The following EPHA3 variants were observed in gnomAD, a reference collection of about 807,000 sequenced individuals.
EPHA3 encodes ephrin type-A receptor 3.
A neutral mutation model predicts 107.1 loss-of-function variants in EPHA3; 42 were observed. The observed-to-expected ratio is 0.39, with a 90% CI of 0.31 to 0.51. The LOEUF is 0.51. Among genes scored for constraint, EPHA3 ranks in the 20% least tolerant of loss-of-function variants. EPHA3 has a pLI of 0.78. For missense variants in EPHA3, 1,183 were observed against 1,211.2 expected (o/e 0.98, Z 0.35); for synonymous variants, 461 against 424.8 (o/e 1.09, Z -1.05).
intron 10 of EPHA3, among the ~76,000 whole-genome samples, chr3:89,418,848 C>G (rs536441480): frequency 2.6e-5 from 4 of 151,394 alleles, no homozygotes; most frequent in African/African-American, 9.7e-5. Context: ...ACTGTTGGTG[C>G]TGTCCTGTTA....
At chr3:89,311,772 C>T (rs1706771784) in intron 3 of EPHA3, among the ~76,000 whole-genome samples, 1 of 152,058 alleles carries the variant, frequency 6.6e-6, no homozygotes, top group African/African-American at 2.4e-5. Context: ...TTCCAAGGGA[C>T]TCTTTGACCT....
chr3:89,203,511 A>C lies in EPHA3; in HGVS notation c.154-6349A>C, dbSNP rs1410727403. On this transcript the variant is annotated intron_variant, in intron 2 of 16. Coordinates refer to ENST00000336596, the MANE Select transcript of EPHA3 (RefSeq NM_005233.6). ...AGCTCCGGCTGGGCGCGGTGGCTCA[A>C]GCCTGTAAACCTAGCACTTTGGGAG... Among the ~76,000 whole-genome samples the C allele has an allele frequency of 9.2e-5, 14 of 151,918 alleles. No individual in the cohort carries two copies. In the East Asian group the frequency reaches 1.4e-3, roughly 15 times the overall value.
At chr3:89,413,411 T>A in intron 10 of EPHA3, 145 bp downstream of exon 10, 1 of 1,033,728 alleles carries the variant, frequency 9.7e-7, no homozygotes. Context: ...CAATATTTAA[T>A]GGAATGTAAT....
chr3:89,285,923 G>C (rs189382360), intron 3 of EPHA3, among the ~76,000 whole-genome samples: 1 of 152,028 alleles, frequency 6.6e-6, no homozygotes, highest in Non-Finnish European at 1.5e-5. Context: ...AGGAAGAAGC[G>C]TTGGTCAACT....
intron 13 of EPHA3, among the ~76,000 whole-genome samples, chr3:89,436,507 G>A (rs912927436): frequency 4.6e-5 from 7 of 152,312 alleles, no homozygotes; most frequent in Non-Finnish European, 7.4e-5. Flanking sequence ...TAGGTAGAGC[G>A]TAGTTGCACT....
intron 2 of EPHA3, among the ~76,000 whole-genome samples, chr3:89,168,667 C>T (rs1250614503): frequency 6.6e-6 from 1 of 151,866 alleles, no homozygotes; most frequent in East Asian, 1.9e-4. Context: ...AAACACAATG[C>T]TTCTTGAAAT....
At chr3:89,355,118 A>AC (rs1032872620) in intron 5 of EPHA3, among the ~76,000 whole-genome samples, 1 of 148,344 alleles carries the variant, frequency 6.7e-6, no homozygotes, top group African/African-American at 2.6e-5. Flanking sequence ...TAACAAATTG[A>AC]CAAAAAAAAA....
intron 9 of EPHA3, among the ~76,000 whole-genome samples, chr3:89,410,536 C>A (rs1221026404): frequency 6.6e-6 from 1 of 151,924 alleles, no homozygotes; most frequent in Admixed American, 6.6e-5. Context: ...AAAACAGTTC[C>A]ATTTTACCTT....
intron 5 of EPHA3, among the ~76,000 whole-genome samples, chr3:89,374,433 C>A (rs1349922301): frequency 6.6e-6 from 1 of 151,874 alleles, no homozygotes; most frequent in Non-Finnish European, 1.5e-5. Flanking sequence ...CACCATCTCT[C>A]CACAGTCCTC....
chr3:89,396,316 A>G (rs1708851181), intron 6 of EPHA3, among the ~76,000 whole-genome samples: 1 of 152,138 alleles, frequency 6.6e-6, no homozygotes. Flanking sequence ...TCATTGCCTC[A>G]AGCATCATTT....
intron 2 of EPHA3, among the ~76,000 whole-genome samples, chr3:89,135,106 T>C (rs1400191397): frequency 6.6e-6 from 1 of 152,192 alleles, no homozygotes; most frequent in Non-Finnish European, 1.5e-5. Flanking sequence ...TTATTTATAA[T>C]TTTTAGTGAT....
chr3:89,429,607 T>C (rs1300262574), intron 12 of EPHA3, among the ~76,000 whole-genome samples: 2 of 152,144 alleles, frequency 1.3e-5, no homozygotes, highest in African/African-American at 4.8e-5. Flanking sequence ...AATGCTAAAG[T>C]ATATATAGTT....
At chr3:89,434,866 G>A (rs998976502) in intron 13 of EPHA3, among the ~76,000 whole-genome samples, 2 of 152,042 alleles carry the variant, frequency 1.3e-5, no homozygotes, top group East Asian at 1.9e-4. Flanking sequence ...TAGCTGTTTC[G>A]AGTTCTTCAG....
chr3:89,355,969 G>A (rs1417116216), intron 5 of EPHA3, among the ~76,000 whole-genome samples: 3 of 145,748 alleles, frequency 2.1e-5, no homozygotes, highest in African/African-American at 2.5e-5. Flanking sequence ...TTCTCCTAAA[G>A]CTATCCCTTC....
chr3:89,115,540 AGTCTTTTTCATAAAAGATGATTTT>A lies in EPHA3; in HGVS notation c.88+7707_88+7730del, dbSNP rs529826580. Reference sequence around the variant, plus strand: ...GTTTCTGTGGCTGTGTTAGAACTTCAGTCTTTTTCATAAAAGATGATTTTGTTAAATCCTGTAGACTTCAAGACT... The same window carrying A: ...GTTTCTGTGGCTGTGTTAGAACTTCAGTTAAATCCTGTAGACTTCAAGACT... On this transcript the variant is annotated intron_variant, in intron 1 of 16. Coordinates refer to ENST00000336596, the MANE Select transcript of EPHA3 (RefSeq NM_005233.6). Among the ~76,000 whole-genome samples, 551 of 152,296 alleles carry A rather than the reference AGTCTTTTTCATAAAAGATGATTTT, an allele frequency of 3.6e-3. 3 individuals carry two copies. The highest frequency in any genetic ancestry group is 5.8e-3 in the South Asian group (28 of 4,824).
At chr3:89,136,420 A>G (rs1455231372) in intron 2 of EPHA3, among the ~76,000 whole-genome samples, 1 of 144,580 alleles carries the variant, frequency 6.9e-6, no homozygotes, top group Non-Finnish European at 1.5e-5. Flanking sequence ...GGTGCTAGAA[A>G]TCAGATAAGA....
chr3:89,328,892 C>T (rs9310119), intron 3 of EPHA3, among the ~76,000 whole-genome samples: 1 of 151,726 alleles, frequency 6.6e-6, no homozygotes, highest in Non-Finnish European at 1.5e-5. Flanking sequence ...CCAGGTACAT[C>T]GTTCTGGAAA....
chr3:89,216,483 C>A (rs1704225604), intron 3 of EPHA3, among the ~76,000 whole-genome samples: 1 of 151,988 alleles, frequency 6.6e-6, no homozygotes. Context: ...CTCCTATCAT[C>A]TTAATGAATA....
At chr3:89,197,516 T>A (rs1705866771) in intron 2 of EPHA3, among the ~76,000 whole-genome samples, 1 of 152,256 alleles carries the variant, frequency 6.6e-6, no homozygotes, top group Non-Finnish European at 1.5e-5. Context: ...AGATGGCAGA[T>A]ATATTTTACT....
Sources: gnomAD v4.1 joint callset for allele counts (sites outside exome capture counted in the v4.1 genomes callset) on GRCh38, gnomAD v4.1.1 for gene constraint, MANE v1.5 for transcripts, NCBI Gene and HGNC (gene_info 2026-07-23, HGNC 2026-07-21) for gene names.